Variants in EVC observed in about 807,000 individuals in gnomAD.
EVC encodes EvC ciliary complex subunit 1.
A neutral mutation model predicts 118.9 loss-of-function variants in EVC; 116 were observed. That is an observed-to-expected ratio of 0.98 (90% CI 0.84 to 1.14). The LOEUF (loss-of-function observed/expected upper bound fraction) is 1.14. Ranked by LOEUF, EVC falls within the 50% of genes most tolerant of loss-of-function variation. The pLI is 0.00. For synonymous variants in EVC, 619 were observed against 534.7 expected, an observed-to-expected ratio of 1.16 and a Z score of -2.18; for missense variants, 1,401 against 1,246.4, an observed-to-expected ratio of 1.12 and a Z score of -1.87.
At chr4:5,748,399 T>C in intron 8 of EVC, 93 bp downstream of exon 8, 1 of 1,402,152 alleles carries the variant, frequency 7.1e-7, no homozygotes, top group Non-Finnish European at 9.9e-7. Context: ...AACAGATTCA[T>C]GTTGTAGCTG....
intron 4 of EVC, among the ~76,000 whole-genome samples, chr4:5,732,714 C>T (rs1252600030): frequency 6.7e-6 from 1 of 148,468 alleles, no homozygotes; most frequent in Non-Finnish European, 1.5e-5. Flanking sequence ...TGATGATAGA[C>T]ATGAAAATGC....
the EVC span, chr4:5,824,307 G>C: frequency 1.0e-6 from 1 of 985,192 alleles, no homozygotes; most frequent in Non-Finnish European, 1.2e-6. Context: ...TTCTATTTAG[G>C]GTCCATTTTG....
At chr4:5,783,350 T>A (rs1188025501) in intron 11 of EVC, among the ~76,000 whole-genome samples, 1 of 152,086 alleles carries the variant, frequency 6.6e-6, no homozygotes, top group East Asian at 1.9e-4. Context: ...GTTACTTGTC[T>A]GTGTGTACAA....
At chr4:5,807,081 C>G (rs1272591006) in intron 17 of EVC, among the ~76,000 whole-genome samples, 1 of 152,200 alleles carries the variant, frequency 6.6e-6, no homozygotes, top group African/African-American at 2.4e-5. Flanking sequence ...GTGCTGGCCT[C>G]AGCTGTGCCA....
At chr4:5,761,684 G>T (rs151215681) in intron 11 of EVC, among the ~76,000 whole-genome samples, 16 of 151,890 alleles carry the variant, frequency 1.1e-4, no homozygotes, top group African/African-American at 2.4e-4. Flanking sequence ...TAAGCCAGCC[G>T]TCAACATGAT....
Position 5,743,522 on chromosome 4 carries a change from T to C in EVC, c.802-1682T>C, listed in dbSNP as rs985250000. Among the ~76,000 whole-genome samples the C allele has an allele frequency of 3.4e-4, 51 of 152,162 alleles. 1 individual carries two copies. The highest frequency in any genetic ancestry group is 4.4e-5 in the Non-Finnish European group (3 of 68,014). On this transcript the variant is annotated intron_variant, in intron 6 of 20. Coordinates refer to ENST00000264956, the MANE Select transcript of EVC (RefSeq NM_153717.3). This position sits in a 1 kb window ranked among gnomAD's most constrained non-coding sequence, Gnocchi z 4.7. The stretch of plus-strand genomic sequence containing the variant: ...TTCATCAGCACCACCATCACCACCT[T>C]TATCATCTTTCCTGCTACCTCTACC...
At chr4:5,741,100 C>A (rs1033503767) in intron 5 of EVC, among the ~76,000 whole-genome samples, 1 of 152,206 alleles carries the variant, frequency 6.6e-6, no homozygotes, top group Admixed American at 6.5e-5. Flanking sequence ...GGGCATTTAT[C>A]TCAGAGAAAT....
intron 11 of EVC, among the ~76,000 whole-genome samples, chr4:5,772,057 C>T (rs1437930710): frequency 6.6e-6 from 1 of 152,020 alleles, no homozygotes; most frequent in Non-Finnish European, 1.5e-5. Context: ...CCACCACGCC[C>T]AGCTAATTTT....
intron 6 of EVC, among the ~76,000 whole-genome samples, chr4:5,744,079 C>G (rs1264555776): frequency 1.3e-5 from 2 of 152,140 alleles, no homozygotes; most frequent in Admixed American, 1.3e-4. Context: ...TTGAGATAGG[C>G]TAGCCAAGTG....
rs573205652 is a variant in EVC at position 5,719,897 on chromosome 4, C to T, written c.300+524C>T. On this transcript the variant is annotated intron_variant, in intron 2 of 20. Coordinates refer to ENST00000264956, the MANE Select transcript of EVC (RefSeq NM_153717.3). The surrounding 1 kb of genome is among the most constrained non-coding windows in gnomAD (Gnocchi z 4.7). ...GTTTGTGTGTATTTCATTGGCAGAC[C>T]GGGCTGTTTTCAGAATTTGACTGTA... Among the ~76,000 whole-genome samples, 66 of 152,246 alleles carry T rather than the reference C, an allele frequency of 4.3e-4. No individual in the cohort carries two copies. Among genetic ancestry groups the T allele is most frequent in the African/African-American group, 1.4e-3 (60 of 41,550 alleles).
chr4:5,744,814 C>T (rs529847645), intron 6 of EVC, among the ~76,000 whole-genome samples: 21 of 152,302 alleles, frequency 1.4e-4, no homozygotes, highest in Admixed American at 2.0e-4. Context: ...ATCAAATACA[C>T]ACCACTTCCT....
intron 15 of EVC, among the ~76,000 whole-genome samples, chr4:5,800,180 A>C (rs1714712994): frequency 6.6e-6 from 1 of 152,152 alleles, no homozygotes. Context: ...CCCCGTCTCT[A>C]CTAAAAATAC....
chr4:5,817,625 A>G (rs1717913720), downstream of EVC, among the ~76,000 whole-genome samples: 1 of 152,232 alleles, frequency 6.6e-6, no homozygotes, highest in Non-Finnish European at 1.5e-5. Flanking sequence ...TTTTCACTTC[A>G]TAAATGGACT....
At chr4:5,803,716 C>A (rs1337484250) in intron 16 of EVC, among the ~76,000 whole-genome samples, 1 of 152,130 alleles carries the variant, frequency 6.6e-6, no homozygotes, top group African/African-American at 2.4e-5. Flanking sequence ...CATGCTATGT[C>A]CCCAGAGGCT....
At chr4:5,817,683 G>A (rs1011522979), downstream of EVC, among the ~76,000 whole-genome samples, 8 of 152,122 alleles carry the variant, frequency 5.3e-5, no homozygotes, top group Admixed American at 1.3e-4. Flanking sequence ...TGGGCATCAC[G>A]GCCACACTCT....
rs561342794 is a variant in EVC, at chr4:5,772,842, T to C, written c.1564-10710T>C. On this transcript the variant is annotated intron_variant, in intron 11 of 20. Coordinates refer to ENST00000264956, the MANE Select transcript of EVC (RefSeq NM_153717.3). ...TCCCTCCCACCCCAGTGCCTGAAAC[T>C]GTCTTCCTCCCTTCCCTGGGCTTTG... 1.4e-4 allele frequency among the ~76,000 whole-genome samples: 22 copies of C among 152,276 alleles called. 1 individual carries two copies. The highest frequency in any genetic ancestry group is 5.3e-4 in the African/African-American group (22 of 41,540).
chr4:5,739,671 A>T (rs1728222104), intron 5 of EVC, among the ~76,000 whole-genome samples: 1 of 152,246 alleles, frequency 6.6e-6, no homozygotes, highest in Non-Finnish European at 1.5e-5. Flanking sequence ...CCACAACCGC[A>T]GAACTGAGTA....
the EVC span, chr4:5,821,775 G>T: frequency 6.2e-7 from 1 of 1,610,656 alleles, no homozygotes; most frequent in Admixed American, 1.7e-5. The surrounding 1 kb of genome is among the most constrained non-coding windows in gnomAD (Gnocchi z 4.4). Flanking sequence ...CGAGGCTGGT[G>T]ATGTTGGAGC....
intron 11 of EVC, among the ~76,000 whole-genome samples, chr4:5,763,965 T>C (rs968373100): frequency 1.1e-4 from 15 of 142,394 alleles, no homozygotes; most frequent in Admixed American, 3.5e-4. Context: ...AGAGAGGGCA[T>C]CCCTGTCTTG....
Sources: allele counts gnomAD v4.1 joint callset (sites outside exome capture counted in the v4.1 genomes callset), GRCh38; gene constraint gnomAD v4.1.1; non-coding constraint Gnocchi (gnomAD v3.1); transcripts MANE v1.5; gene names NCBI Gene and HGNC (gene_info 2026-07-23, HGNC 2026-07-21).